The following TMEM74 variants were observed in gnomAD, a reference collection of about 807,000 sequenced individuals.
TMEM74 encodes the protein transmembrane protein 74.
In TMEM74, 13 loss-of-function variants were observed where a neutral mutation model predicts 18.1. The ratio of observed to expected loss-of-function variants is 0.72; its 90% CI spans 0.47 to 1.14. The LOEUF (loss-of-function observed/expected upper bound fraction) is 1.14, where lower values mean the gene tolerates loss of function less well. Among genes scored for constraint, TMEM74 ranks in the 50% most tolerant of loss-of-function variants. TMEM74 has a pLI of 0.00. For synonymous variants in TMEM74, 159 were observed against 146.6 expected (o/e 1.08, Z -0.61); for missense variants, 372 against 375.9 (o/e 0.99, Z 0.09).
chr8:108,684,819 G>A (rs1813152377), intron 1 of TMEM74, among the ~76,000 whole-genome samples: 1 of 151,788 alleles, frequency 6.6e-6, no homozygotes, highest in South Asian at 2.1e-4. Flanking sequence ...CCAGTACCAT[G>A]CTGTTATGGT....
At chr8:108,613,656 G>C (rs1812356425) in intron 2 of TMEM74, among the ~76,000 whole-genome samples, 1 of 152,080 alleles carries the variant, frequency 6.6e-6, no homozygotes, top group Non-Finnish European at 1.5e-5. Context: ...TTTTCAAATA[G>C]AAGTTTGCAT....
At chr8:108,618,936 C>G (rs1197721884) in intron 2 of TMEM74, among the ~76,000 whole-genome samples, 1 of 152,030 alleles carries the variant, frequency 6.6e-6, no homozygotes, top group Non-Finnish European at 1.5e-5. Context: ...CATGAGACAC[C>G]CCAGGCCCCA....
intron 2 of TMEM74, among the ~76,000 whole-genome samples, chr8:108,650,583 G>C (rs1360456356): frequency 6.6e-6 from 1 of 152,026 alleles, no homozygotes; most frequent in African/African-American, 2.4e-5. Flanking sequence ...GTTTGGCCTT[G>C]GGCCTTTGAA....
chr8:108,754,949 A>T (rs891884342), intron 1 of TMEM74, among the ~76,000 whole-genome samples: 2 of 151,908 alleles, frequency 1.3e-5, no homozygotes, highest in African/African-American at 4.8e-5. Flanking sequence ...GCCCGCAATG[A>T]ATTGGGTGAT....
chr8:108,659,282 T>C (rs183482384), intron 1 of TMEM74, among the ~76,000 whole-genome samples: 2 of 25,230 alleles, frequency 7.9e-5, no homozygotes. Flanking sequence ...GACACACATA[T>C]GCACTGGACA....
intron 1 of TMEM74, among the ~76,000 whole-genome samples, chr8:108,766,793 C>T (rs1047430863): frequency 2.6e-5 from 4 of 152,164 alleles, no homozygotes; most frequent in African/African-American, 9.7e-5. Flanking sequence ...GCCGCCAGCG[C>T]AGCTTTCAGT....
intron 1 of TMEM74, among the ~76,000 whole-genome samples, chr8:108,730,634 C>CTTTTTT (rs1199122765): frequency 2.0e-4 from 27 of 132,186 alleles, no homozygotes; most frequent in Middle Eastern, 3.9e-3. Flanking sequence ...TGCAGACTTC[C>CTTTTTT]TTTTTTTTTT....
At chr8:108,786,097 G>T (rs1157894592) in intron 1 of TMEM74, among the ~76,000 whole-genome samples, 1 of 152,132 alleles carries the variant, frequency 6.6e-6, no homozygotes, top group African/African-American at 2.4e-5. Flanking sequence ...ACCCAATCTA[G>T]AAGTGAACTG....
intron 2 of TMEM74, among the ~76,000 whole-genome samples, chr8:108,618,499 T>G (rs938864941): frequency 3.8e-4 from 58 of 152,170 alleles, no homozygotes; most frequent in African/African-American, 1.4e-3. Context: ...GTTCTTCTGT[T>G]TCAGCTTGAA....
intron 1 of TMEM74, among the ~76,000 whole-genome samples, chr8:108,678,679 T>C (rs999222759): frequency 6.6e-6 from 1 of 151,328 alleles, no homozygotes; most frequent in African/African-American, 2.4e-5. Context: ...CTCTTTTTTT[T>C]TTCTTATAAA....
intron 2 of TMEM74, among the ~76,000 whole-genome samples, chr8:108,637,407 T>C (rs1010323600): frequency 1.3e-5 from 2 of 152,112 alleles, no homozygotes; most frequent in Non-Finnish European, 2.9e-5. Flanking sequence ...TTATTTTACA[T>C]TGAAAAAGGA....
intron 2 of TMEM74, among the ~76,000 whole-genome samples, chr8:108,647,502 T>G (rs1039185229): frequency 6.6e-6 from 1 of 151,968 alleles, no homozygotes; most frequent in African/African-American, 2.4e-5. Context: ...AGCTGATCAA[T>G]GAAAGGCTAG....
At chr8:108,627,091 C>T (rs1254129602) in intron 2 of TMEM74, among the ~76,000 whole-genome samples, 2 of 152,036 alleles carry the variant, frequency 1.3e-5, no homozygotes, top group Admixed American at 1.3e-4. Context: ...TACCACTCAA[C>T]AAATCAGTAC....
chr8:108,636,095 C>T (rs1812604096), intron 2 of TMEM74, among the ~76,000 whole-genome samples: 1 of 152,048 alleles, frequency 6.6e-6, no homozygotes, highest in South Asian at 2.1e-4. Context: ...TAGCTCCTCC[C>T]CACTCTGTAG....
At chr8:108,615,445 G>A (rs1455086953) in intron 2 of TMEM74, among the ~76,000 whole-genome samples, 1 of 152,170 alleles carries the variant, frequency 6.6e-6, no homozygotes, top group Non-Finnish European at 1.5e-5. Flanking sequence ...AAGCAGCTGA[G>A]GTTCCAGTTA....
intron 1 of TMEM74, among the ~76,000 whole-genome samples, chr8:108,711,141 G>C (rs1168344303): frequency 1.3e-5 from 2 of 152,194 alleles, no homozygotes; most frequent in Non-Finnish European, 2.9e-5. Flanking sequence ...AGTTGAGCTA[G>C]TGACTCTAAT....
Position 108,785,151 on chromosome 8 carries a change from CAG to C in TMEM74, c.-39-16_-39-15del. 1 of 1,526,426 alleles carries C rather than the reference CAG, an allele frequency of 6.6e-7. No individual in the cohort carries two copies. The highest frequency in any genetic ancestry group is 8.8e-7 in the Non-Finnish European group (1 of 1,140,290). 94.6% of individuals were successfully genotyped at this position (1,526,426 alleles called of 1,614,324 possible). A position where few individuals can be genotyped will look rare whatever the true frequency, so the allele number is the denominator to read the frequency against. ...CTTCCGGAAAGTCTGCCAATAGCAA[CAG>C]AGTTAGATAAGAACCCAACAGAAGC... On this transcript the variant is annotated splice_polypyrimidine_tract_variant and intron_variant, in intron 1 of 1. Coordinates refer to ENST00000297459, the MANE Select transcript of TMEM74 (RefSeq NM_153015.3).
At chr8:108,636,661 G>A (rs748965473) in intron 2 of TMEM74, among the ~76,000 whole-genome samples, 2 of 151,848 alleles carry the variant, frequency 1.3e-5, no homozygotes, top group Non-Finnish European at 2.9e-5. Context: ...GCATAAAAGG[G>A]GTCTGATTCC....
intron 1 of TMEM74, among the ~76,000 whole-genome samples, chr8:108,757,866 A>G (rs1813995573): frequency 6.6e-6 from 1 of 151,900 alleles, no homozygotes; most frequent in Admixed American, 6.6e-5. Flanking sequence ...CTATACTATT[A>G]TGTTTCTCAC....
Sources: allele counts gnomAD v4.1 joint callset (sites outside exome capture counted in the v4.1 genomes callset), GRCh38; gene constraint gnomAD v4.1.1; transcripts MANE v1.5; gene names NCBI Gene and HGNC (gene_info 2026-07-23, HGNC 2026-07-21).